Variants in NDUFA10 observed in about 807,000 individuals in gnomAD.
NDUFA10 encodes NADH dehydrogenase [ubiquinone] 1 alpha subcomplex subunit 10, mitochondrial.
In NDUFA10, 40 loss-of-function variants were observed where a neutral mutation model predicts 47.8. The observed-to-expected ratio is 0.84, with a 90% CI of 0.65 to 1.09. NDUFA10 has a LOEUF of 1.09. Among genes scored for constraint, NDUFA10 ranks in the 50% least tolerant of loss-of-function variants. NDUFA10 has a pLI of 0.00. For missense variants in NDUFA10, 413 were observed against 451.1 expected, an observed-to-expected ratio of 0.92 and a Z score of 0.76; for synonymous variants, 183 against 172.2, an observed-to-expected ratio of 1.06 and a Z score of -0.49.
chr2:239,986,971 C>G lies in NDUFA10; in HGVS notation c.999+3103G>C, dbSNP rs34226598. Among the ~76,000 whole-genome samples the G allele has an allele frequency of 6.1e-3, 923 of 152,280 alleles. 7 individuals are homozygous for G. Among genetic ancestry groups the G allele is most frequent in the Non-Finnish European group, 9.2e-3 (625 of 68,016 alleles). On this transcript the variant is annotated intron_variant, in intron 9 of 9. Transcript: ENST00000252711. ...CATTGAGGGATATTCAGCAAGGTAA[C>G]TGTTCTGTAGTCTTCAAAAATGTCA...
chr2:240,003,583 T>G (rs1311696414), intron 8 of NDUFA10, among the ~76,000 whole-genome samples: 1 of 152,220 alleles, frequency 6.6e-6, no homozygotes, highest in Non-Finnish European at 1.5e-5. Flanking sequence ...TCAAAGACCC[T>G]CAAATTACTC....
rs759329638 is a variant in NDUFA10 at position 240,014,664 on chromosome 2, T to G, written c.669+75A>C. The G allele has an allele frequency of 1.0e-5, 16 of 1,598,576 alleles. No individual in the cohort carries two copies. In the Admixed American group the frequency reaches 2.7e-4, roughly 27 times the overall value. On this transcript the variant is annotated intron_variant, in intron 5 of 9. Transcript: ENST00000252711. ...GACTGGTAGGAATTAGTATAAATGC[T>G]ATTAAAACAGGGCTTTTAGTGCTGA... is the stretch of plus-strand genomic sequence containing the variant.
At chr2:239,953,876 G>T (rs543150933), downstream of NDUFA10, among the ~76,000 whole-genome samples, 1 of 152,234 alleles carries the variant, frequency 6.6e-6, no homozygotes, top group East Asian at 1.9e-4. Context: ...GTCTCTCCAG[G>T]AAGAGCGAGG....
chr2:239,904,510 G>A (rs1237073827), intron 4 of NDUFA10, among the ~76,000 whole-genome samples: 1 of 152,140 alleles, frequency 6.6e-6, no homozygotes, highest in Admixed American at 6.5e-5. Flanking sequence ...GGCCAGGCTG[G>A]TCTCGAACTC....
rs1694769058 is a variant in NDUFA10, at chr2:239,959,682, G to A, written c.*1436C>T. 4 of 908,314 alleles carry A rather than the reference G, an allele frequency of 4.4e-6. No individual in the cohort carries two copies. The South Asian group carries it at 1.5e-4, about 35-fold the overall frequency. The allele number at this position is 908,314 out of a possible 1,614,324, so 56.3% of individuals were successfully genotyped here. A position where few individuals can be genotyped will look rare whatever the true frequency, so the allele number is the denominator to read the frequency against. ...AGGACAGACGGAAGGAAGGAAGGAA[G>A]AGAAGGAGGGAAGGAAAGAGGCAGG... On this transcript the variant is annotated 3_prime_UTR_variant, in exon 10 of 10. Coordinates refer to ENST00000252711, the MANE Select transcript of NDUFA10 (RefSeq NM_004544.4).
At chr2:239,931,904 C>T (rs946475159) in intron 4 of NDUFA10, among the ~76,000 whole-genome samples, 40 of 134,678 alleles carry the variant, frequency 3.0e-4, no homozygotes, top group African/African-American at 1.1e-3. Context: ...GGTGCGATCT[C>T]GGCTCACTGC....
At chr2:239,956,891 G>C (rs186890767), downstream of NDUFA10, among the ~76,000 whole-genome samples, 1 of 152,138 alleles carries the variant, frequency 6.6e-6, no homozygotes, top group Non-Finnish European at 1.5e-5. Flanking sequence ...CCAGCTCTGC[G>C]GACACAGAGC....
intron 4 of NDUFA10, among the ~76,000 whole-genome samples, chr2:239,913,273 G>A (rs140741190): frequency 2.0e-5 from 3 of 152,248 alleles, no homozygotes; most frequent in Non-Finnish European, 4.4e-5. Flanking sequence ...CTGACTGGGG[G>A]TGAGGCCACT....
intron 4 of NDUFA10, among the ~76,000 whole-genome samples, chr2:239,908,157 AAACACTGCATGTTCTCACTCAT>A (rs1693688883): frequency 6.6e-6 from 1 of 152,134 alleles, no homozygotes; most frequent in African/African-American, 2.4e-5. Flanking sequence ...ACAGAAAACC[AAACACTGCATGTTCTCACTCAT>A]AGGTGGGAAT....
chr2:240,012,544 G>A (rs976106511), intron 5 of NDUFA10: 1 of 152,116 alleles, frequency 6.6e-6, no homozygotes, highest in East Asian at 1.9e-4. Context: ...CCTACAAAAT[G>A]ATGAAAACAT....
chr2:240,012,001 T>C, intron 5 of NDUFA10: 1 of 386,390 alleles, frequency 2.6e-6, no homozygotes, highest in Non-Finnish European at 5.0e-6. Flanking sequence ...GTCTTTCCTG[T>C]CTGCCTCGTG....
chr2:239,925,694 T>A (rs181518081), intron 4 of NDUFA10, among the ~76,000 whole-genome samples: 7 of 152,280 alleles, frequency 4.6e-5, no homozygotes, highest in Admixed American at 4.6e-4. Context: ...TCACGCAAAT[T>A]TAAGTTTTTG....
chr2:239,966,734 G>A (rs75293257), intron 9 of NDUFA10, among the ~76,000 whole-genome samples: 4,495 of 152,134 alleles, frequency 0.03, 98 homozygotes, highest in Non-Finnish European at 0.043. Context: ...CCCACCAACC[G>A]GAAGGCTACA....
intron 9 of NDUFA10, among the ~76,000 whole-genome samples, chr2:239,977,702 C>T (rs1695587473): frequency 6.6e-6 from 1 of 152,204 alleles, no homozygotes; most frequent in Admixed American, 6.5e-5. Flanking sequence ...AAATATGACA[C>T]ATCAAATGGC....
chr2:240,003,623 T>C (rs371807619), intron 8 of NDUFA10, among the ~76,000 whole-genome samples: 1 of 152,156 alleles, frequency 6.6e-6, no homozygotes, highest in Non-Finnish European at 1.5e-5. Context: ...ATCAGAATTA[T>C]GATACAACAG....
intron 4 of NDUFA10, among the ~76,000 whole-genome samples, chr2:239,914,319 AAC>A (rs1693803438): frequency 6.6e-6 from 1 of 151,606 alleles, no homozygotes; most frequent in South Asian, 2.1e-4. Context: ...ACACACACAG[AAC>A]ACATACATAT....
Position 239,967,979 on chromosome 2 carries a change from T to TACACACACACACAC in NDUFA10, c.1000-6807_1000-6794dup, listed in dbSNP as rs61166045. ...CAGAAATCAGTCAAGGAAAAAAATA[T>TACACACACACACAC]ACACACACACACACACACACACACA... is the stretch of plus-strand genomic sequence containing the variant. On this transcript the variant is annotated intron_variant, in intron 9 of 9. Coordinates refer to ENST00000252711, the MANE Select transcript of NDUFA10 (RefSeq NM_004544.4). Among the ~76,000 whole-genome samples the TACACACACACACAC allele has an allele frequency of 6.7e-3, 987 of 147,544 alleles. 18 individuals carry two copies. Among genetic ancestry groups the TACACACACACACAC allele is most frequent in the African/African-American group, 0.016 (645 of 39,918 alleles).
chr2:239,955,319 G>A (rs900054437), downstream of NDUFA10, among the ~76,000 whole-genome samples: 2 of 152,250 alleles, frequency 1.3e-5, no homozygotes, highest in African/African-American at 2.4e-5. Context: ...ATGCAAGGTC[G>A]CATGACCAAT....
In NDUFA10 at chr2:240,001,153, G is replaced by A. The variant is rs189755456; in HGVS notation, c.890+4057C>T. Among the ~76,000 whole-genome samples, 91 of 152,260 alleles carry A rather than the reference G, an allele frequency of 6.0e-4. 1 individual carries two copies. The South Asian group carries it at 7.0e-3, about 12-fold the overall frequency. On this transcript the variant is annotated intron_variant, in intron 8 of 9. Transcript: ENST00000252711. ...AAAATATGAATAGCATCTTCAACAC[G>A]GTTGTCTTTAGGAGGTGGGTTCGTT...
Sources: allele counts gnomAD v4.1 joint callset (sites outside exome capture counted in the v4.1 genomes callset), GRCh38; gene constraint gnomAD v4.1.1; transcripts MANE v1.5; gene names NCBI Gene and HGNC (gene_info 2026-07-23, HGNC 2026-07-21).